Variants in RBFOX1 observed in about 807,000 individuals in gnomAD.
The protein encoded by RBFOX1 is RNA binding fox-1 homolog 1.
A neutral mutation model predicts 57.7 loss-of-function variants in RBFOX1; 8 were observed. The observed-to-expected ratio is 0.14, with a 90% CI of 0.08 to 0.25. The LOEUF is 0.25. Among genes scored for constraint, RBFOX1 ranks in the 10% least tolerant of loss-of-function variants. RBFOX1 has a pLI of 1.00. For missense variants in RBFOX1, 611 were observed against 548.5 expected (o/e 1.11, Z -1.14); for synonymous variants, 326 against 222.4 (o/e 1.47, Z -4.15).
At position 6,001,294 on chromosome 16, in the gene RBFOX1, C is replaced by A. The variant is rs187415451; in HGVS notation, c.351+133959C>A. The stretch of plus-strand genomic sequence containing the variant: ...TGAGGTGATTTTCTCTAGATTTTCA[C>A]TTGTAGGATTTATGTAAGAGTTACT... On this transcript the variant is annotated intron_variant, in intron 4 of 19. Coordinates refer to the RBFOX1 transcript ENST00000641259. Among the ~76,000 whole-genome samples the A allele has an allele frequency of 1.2e-3, 179 of 152,222 alleles. 1 individual carries two copies. Among genetic ancestry groups the A allele is most frequent in the Non-Finnish European group, 1.0e-3 (69 of 68,028 alleles).
chr16:7,018,230 T>C (rs574484428), intron 3 of RBFOX1, among the ~76,000 whole-genome samples: 2 of 152,270 alleles, frequency 1.3e-5, no homozygotes, highest in African/African-American at 2.4e-5. Context: ...GGGCATTCTC[T>C]ACTGGCTTGC....
chr16:6,484,452 C>G (rs1183088261), intron 2 of RBFOX1, among the ~76,000 whole-genome samples: 1 of 152,012 alleles, frequency 6.6e-6, no homozygotes, highest in Non-Finnish European at 1.5e-5. Flanking sequence ...AAGCTCTGTA[C>G]CATTTTATGA....
intron 4 of RBFOX1, among the ~76,000 whole-genome samples, chr16:7,389,901 C>A (rs1384110169): frequency 3.3e-5 from 5 of 152,062 alleles, no homozygotes; most frequent in Admixed American, 3.3e-4. Flanking sequence ...TTGTAGTAGT[C>A]CATTCTCATA....
At chr16:7,702,287 A>C (rs1307518998) in intron 14 of RBFOX1, among the ~76,000 whole-genome samples, 1 of 152,192 alleles carries the variant, frequency 6.6e-6, no homozygotes, top group Admixed American at 6.5e-5. Context: ...TCTTCTGTGA[A>C]GTCCCATATT....
intron 4 of RBFOX1, among the ~76,000 whole-genome samples, chr16:5,889,384 A>C (rs569987193): frequency 6.6e-6 from 1 of 152,324 alleles, no homozygotes; most frequent in African/African-American, 2.4e-5. Flanking sequence ...ATGTCCCTGC[A>C]AAAGACATGC....
At chr16:6,366,447 G>A (rs989131318) in intron 2 of RBFOX1, among the ~76,000 whole-genome samples, 2 of 152,102 alleles carry the variant, frequency 1.3e-5, no homozygotes, top group African/African-American at 4.8e-5. Flanking sequence ...GGAGAGATAT[G>A]AGACAATGTT....
intron 1 of RBFOX1, among the ~76,000 whole-genome samples, chr16:6,274,964 C>G (rs2075636117): frequency 6.6e-6 from 1 of 152,096 alleles, no homozygotes; most frequent in South Asian, 2.1e-4. Context: ...GACACTGATA[C>G]CGTGTGCTGT....
At chr16:7,577,137 C>T (rs150346222) in intron 5 of RBFOX1, among the ~76,000 whole-genome samples, 5 of 152,282 alleles carry the variant, frequency 3.3e-5, no homozygotes, top group African/African-American at 9.6e-5. Flanking sequence ...TTTGTTTATT[C>T]GTGTACTAAT....
intron 3 of RBFOX1, among the ~76,000 whole-genome samples, chr16:6,875,515 G>C (rs1265913190): frequency 2.0e-5 from 3 of 152,134 alleles, no homozygotes; most frequent in Non-Finnish European, 4.4e-5. Context: ...TCAATTCAGT[G>C]CTCTGGCAAA....
chr16:7,159,931 C>T (rs140245071), intron 4 of RBFOX1, among the ~76,000 whole-genome samples: 21 of 152,236 alleles, frequency 1.4e-4, no homozygotes, highest in Non-Finnish European at 2.9e-4. Context: ...TTTTATTATA[C>T]CTTTGTTTTT....
chr16:7,157,875 T>C (rs553481801), intron 4 of RBFOX1, among the ~76,000 whole-genome samples: 1 of 152,336 alleles, frequency 6.6e-6, no homozygotes, highest in East Asian at 1.9e-4. Context: ...TATTTCAGCT[T>C]CTCTGTTCAC....
In RBFOX1 at chr16:7,579,644, G is replaced by A. The variant is rs1423961364; in HGVS notation, c.271-133G>A. On this transcript the variant is annotated intron_variant, in intron 5 of 15. Transcript: ENST00000550418. The stretch of plus-strand genomic sequence containing the variant: ...TTGCTGAATGAATGCATGCATGCAT[G>A]CGTCAGCATTTTCTTCCCTTCTCAG... The A allele has an allele frequency of 4.7e-6, 5 of 1,072,114 alleles. No individual in the cohort carries two copies. The African/African-American group carries it at 6.3e-5, about 14-fold the overall frequency. The allele number at this position is 1,072,114 out of a possible 1,614,324, so 66.4% of individuals were successfully genotyped here. A position where few individuals can be genotyped will look rare whatever the true frequency, so the allele number is the denominator to read the frequency against.
chr16:7,080,488 G>T (rs969536975), intron 4 of RBFOX1, among the ~76,000 whole-genome samples: 13 of 152,142 alleles, frequency 8.5e-5, no homozygotes, highest in African/African-American at 3.1e-4. Context: ...CTTAGGGAAT[G>T]TGTGTTTTTC....
At chr16:6,451,146 C>G (rs992684139) in intron 2 of RBFOX1, among the ~76,000 whole-genome samples, 1 of 151,588 alleles carries the variant, frequency 6.6e-6, no homozygotes, top group African/African-American at 2.4e-5. Flanking sequence ...TTCTTTTGAT[C>G]CAGTGCATGC....
intron 3 of RBFOX1, among the ~76,000 whole-genome samples, chr16:6,698,636 G>T (rs540069935): frequency 4.6e-5 from 7 of 152,218 alleles, no homozygotes; most frequent in African/African-American, 1.4e-4. Context: ...ATTCACCGAG[G>T]CAGACGTGGT....
At position 6,891,708 on chromosome 16, in the gene RBFOX1, T is replaced by G. The variant is rs139005060; in HGVS notation, c.-15-160349T>G. 1.3e-3 allele frequency among the ~76,000 whole-genome samples: 199 copies of G among 152,332 alleles called. 1 individual carries two copies. The highest frequency in any genetic ancestry group is 3.4e-3 in the Middle Eastern group (1 of 294). On this transcript the variant is annotated intron_variant, in intron 3 of 15. Coordinates refer to ENST00000550418, the MANE Select transcript of RBFOX1 (RefSeq NM_018723.4). ...CTTGAACATACTTAACATTTACTTT[T>G]ATTCATCTGAACGTGGAACGCAGCA... is the stretch of plus-strand genomic sequence containing the variant.
intron 4 of RBFOX1, among the ~76,000 whole-genome samples, chr16:7,310,166 C>A (rs774973265): frequency 1.4e-4 from 22 of 152,186 alleles, no homozygotes; most frequent in Admixed American, 3.9e-4. Flanking sequence ...GGTGAGCTAG[C>A]CAAATGAGCA....
chr16:5,505,055 C>T (rs996239819), intron 2 of RBFOX1, among the ~76,000 whole-genome samples: 1 of 142,320 alleles, frequency 7.0e-6, no homozygotes, highest in African/African-American at 3.0e-5. Context: ...GGTTGCATAG[C>T]CCTGTGGATA....
At chr16:6,561,260 C>T (rs1219412211) in intron 2 of RBFOX1, among the ~76,000 whole-genome samples, 2 of 152,126 alleles carry the variant, frequency 1.3e-5, no homozygotes, top group African/African-American at 4.8e-5. Flanking sequence ...GGGCTGTCCA[C>T]AGCAGACCAG....
Sources: gnomAD v4.1 joint callset for allele counts (sites outside exome capture counted in the v4.1 genomes callset) on GRCh38, gnomAD v4.1.1 for gene constraint, MANE v1.5 for transcripts, NCBI Gene and HGNC (gene_info 2026-07-23, HGNC 2026-07-21) for gene names.